Variants in FLNC observed in about 807,000 individuals in gnomAD.
FLNC encodes the protein filamin C, also known as filamin-C.
FLNC carries 91 observed loss-of-function variants against 254.3 expected under a neutral mutation model. The ratio of observed to expected loss-of-function variants is 0.36; its 90% CI spans 0.30 to 0.43. The LOEUF is 0.43. Among genes scored for constraint, FLNC ranks in the 20% least tolerant of loss-of-function variants. The pLI is 1.00. For synonymous variants in FLNC, 1,430 were observed against 1,577.2 expected, an observed-to-expected ratio of 0.91 and a Z score of 2.21; for missense variants, 2,853 against 3,802.6, an observed-to-expected ratio of 0.75 and a Z score of 6.57.
chr7:128,852,501 AGGGG>A, intron 35 of FLNC, 86 bp from the exon 36 acceptor site: 34 of 1,487,210 alleles, frequency 2.3e-5, no homozygotes, highest in Non-Finnish European at 3.1e-5. Flanking sequence ...TGTTGAGTCC[AGGGG>A]GGGCTGCTCA....
intron 1 of FLNC, among the ~76,000 whole-genome samples, chr7:128,832,813 G>T (rs1320339528): frequency 6.6e-6 from 1 of 152,226 alleles, no homozygotes; most frequent in Non-Finnish European, 1.5e-5. Flanking sequence ...CTGGAGGGGA[G>T]GGGACACCGG....
rs1808758860 is a variant in FLNC at position 128,850,439 on chromosome 7, T to C, written c.5354T>C (p.Phe1785Ser). 6.2e-7 allele frequency: 1 copy of C among 1,614,044 alleles called. No homozygotes were observed. The highest frequency in any genetic ancestry group is 8.5e-7 in the Non-Finnish European group (1 of 1,180,032). Residue 1785 changes from phenylalanine to serine, a missense_variant, in exon 32 of 48, where the codon TTC becomes TCC. Transcript: ENST00000325888. ...CCAATGGAGTCCATGCTGAGGCCCTTCAACCTGGTCATCCCCTTCGCGGTG... is the reference window on the plus strand; with the variant it reads ...CCAATGGAGTCCATGCTGAGGCCCTCCAACCTGGTCATCCCCTTCGCGGTG... Reference protein sequence around the residue: ...VEPMESMLRPFNLVIPFAVQK... With the variant: ...VEPMESMLRPSNLVIPFAVQK...
chr7:128,843,206 G>A (rs1338713818), intron 16 of FLNC, 23 bp from the exon 17 acceptor site: 6 of 1,570,622 alleles, frequency 3.8e-6, no homozygotes, highest in Non-Finnish European at 5.2e-6. Flanking sequence ...CGAGAGCCCT[G>A]ACTGAGCCTC....
rs757608760 is a variant in FLNC at position 128,842,711 on chromosome 7, G to A, written c.2389+13G>A. Reference sequence around the variant, plus strand: ...GAGGCGGGGCAAGGTGCGCCCAGCCGGAAGGGGTGGGTCTGGGAGGGGGCG... The same window carrying A: ...GAGGCGGGGCAAGGTGCGCCCAGCCAGAAGGGGTGGGTCTGGGAGGGGGCG... On this transcript the variant is annotated intron_variant, in intron 15 of 47. Coordinates refer to ENST00000325888, the MANE Select transcript of FLNC (RefSeq NM_001458.5). The surrounding 1 kb of genome is among the most constrained non-coding windows in gnomAD (Gnocchi z 5.4). 1.9e-5 allele frequency: 30 copies of A among 1,561,484 alleles called. No individual in the cohort carries two copies. In the East Asian group the frequency reaches 2.1e-4, roughly 11 times the overall value.
chr7:128,843,673 C>T lies in FLNC; in HGVS notation c.2811+96C>T, dbSNP rs571139381. On this transcript the variant is annotated intron_variant, in intron 18 of 47. Coordinates refer to ENST00000325888, the MANE Select transcript of FLNC (RefSeq NM_001458.5). ...CATGGGACCAGTTCTGGATCCTCCA[C>T]GCCTTTCCTGCCTCCTGCCCTCACT... is the stretch of plus-strand genomic sequence containing the variant. The T allele has an allele frequency of 1.3e-4, 196 of 1,517,332 alleles. 1 individual carries two copies. Among genetic ancestry groups the T allele is most frequent in the African/African-American group, 1.2e-3 (90 of 73,100 alleles). 94.0% of individuals were successfully genotyped at this position (1,517,332 alleles called of 1,614,324 possible).
chr7:128,844,099 C>T lies in FLNC; in HGVS notation c.3025C>T (p.Arg1009Trp), dbSNP rs746542712. 13 of 1,613,854 alleles carry T rather than the reference C, an allele frequency of 8.1e-6. No individual in the cohort carries two copies. Among genetic ancestry groups the T allele is most frequent in the East Asian group, 4.5e-5 (2 of 44,892 alleles). Residue 1009 changes from arginine to tryptophan, a missense_variant, in exon 20 of 48, where the codon CGG (arginine) becomes TGG (tryptophan). By Grantham distance (101) the Arg-to-Trp change is moderately radical (BLOSUM62 -3). Around this residue, in one of 10 missense-constraint regions of FLNC, gnomAD observed 1,573 missense variants for 1,883.5 expected, o/e 0.84. Transcript: ENST00000325888. ...LDVRMTSPSR[R>W]PIPCKLEPGG... is the part of the protein sequence containing the mutation. ...TGTGCGGATGACTTCGCCCTCTCGC[C>T]GGCCCATCCCCTGCAAGCTGGAGCC...
At position 128,851,378 on chromosome 7, in the gene FLNC, C is replaced by A. The variant is rs540465449; in HGVS notation, c.5668+18C>A. 2 of 1,614,056 alleles carry A rather than the reference C, an allele frequency of 1.2e-6. No individual in the cohort carries two copies. The highest frequency in any genetic ancestry group is 1.7e-6 in the Non-Finnish European group (2 of 1,180,040). ...TGGAGAAGGTGAGGGAGCTGCAGGT[C>A]GCAGGCTGGGGTGGAGACTCACCAG... On this transcript the variant is annotated intron_variant, in intron 34 of 47. Transcript: ENST00000325888.
Position 128,847,209 on chromosome 7 carries a change from T to C in FLNC, c.4288+304T>C, listed in dbSNP as rs3800584. 0.16 allele frequency among the ~76,000 whole-genome samples: 23,714 copies of C among 152,258 alleles called. 3,646 individuals carry two copies. The highest frequency in any genetic ancestry group is 0.38 in the African/African-American group (15,823 of 41,518). On this transcript the variant is annotated intron_variant, in intron 24 of 47. Coordinates refer to ENST00000325888, the MANE Select transcript of FLNC (RefSeq NM_001458.5). ...TGTGTGTCCAGAAACTCAGACACAGTCCACTCCTCTTGGCGGCTCAGGCCA... is the reference window on the plus strand; with the variant it reads ...TGTGTGTCCAGAAACTCAGACACAGCCCACTCCTCTTGGCGGCTCAGGCCA...
rs570290798 is a variant in FLNC at position 128,844,705 on chromosome 7, C to T, written c.3240C>T (p.Pro1080=). Residue 1080 remains proline (P), a synonymous_variant, in exon 21 of 48, where the codon CCC becomes CCT. Transcript: ENST00000325888. ...TCAAGGGTGGACTGGTAGGCACCCCCGCGCCATTCTCCATCGACACCAAGG... is the reference window on the plus strand; with the variant it reads ...TCAAGGGTGGACTGGTAGGCACCCCTGCGCCATTCTCCATCGACACCAAGG... ...PGLKGGLVGT[P]APFSIDTKGA... is the part of the protein sequence containing the mutation. 3.8e-5 allele frequency: 61 copies of T among 1,613,672 alleles called. No individual in the cohort carries two copies. Among genetic ancestry groups the T allele is most frequent in the South Asian group, 1.2e-4 (11 of 91,074 alleles).
At chr7:128,850,157 G>A in intron 31 of FLNC, 83 bp downstream of exon 31, 1 of 1,259,890 alleles carries the variant, frequency 7.9e-7, no homozygotes, top group South Asian at 1.3e-5. Context: ...AGCCAGGGCG[G>A]GGACATGGTC....
chr7:128,842,239 C>T lies in FLNC; in HGVS notation c.2130C>T (p.Asp710=), dbSNP rs778781499. The T allele has an allele frequency of 7.7e-5, 124 of 1,613,526 alleles. No individual in the cohort carries two copies. Among genetic ancestry groups the T allele is most frequent in the Non-Finnish European group, 9.4e-5 (111 of 1,179,976 alleles). Residue 710 remains aspartate, a synonymous_variant, in exon 14 of 48, where the codon GAC becomes GAT. Coordinates refer to ENST00000325888, the MANE Select transcript of FLNC (RefSeq NM_001458.5). The surrounding 1 kb of genome is among the most constrained non-coding windows in gnomAD (Gnocchi z 5.4). ...TTGGGTGATGCCCACAGGACGCCGA[C>T]GGCTGTCCCATCGACATCAAGGTGA... is the stretch of plus-strand genomic sequence containing the variant. The part of the protein sequence containing the change: ...GDLKLYAQDA[D]GCPIDIKVIP...
At chr7:128,834,521 T>G (rs1038198347) in intron 1 of FLNC, among the ~76,000 whole-genome samples, 1 of 132,052 alleles carries the variant, frequency 7.6e-6, no homozygotes, top group African/African-American at 2.8e-5. Context: ...TAAAGCCCTT[T>G]CTGGCATTCG....
chr7:128,832,481 T>G (rs1807931618), intron 1 of FLNC, among the ~76,000 whole-genome samples: 1 of 152,222 alleles, frequency 6.6e-6, no homozygotes, highest in African/African-American at 2.4e-5. Flanking sequence ...AGCCGGAGGC[T>G]TCGGCAAGAC....
Position 128,858,089 on chromosome 7 carries a change from G to A in FLNC, c.7862G>A (p.Arg2621Gln), listed in dbSNP as rs201636548. 2.4e-4 allele frequency: 388 copies of A among 1,613,226 alleles called. No homozygotes were observed. In the African/African-American group the frequency reaches 4.4e-3, roughly 18 times the overall value. ...VETVTKSSSS[R>Q]GSSYSSIPKF... ...ACTGTGACCAAGTCCTCCTCAAGCC[G>A]GGGCTCCAGCTACAGCTCCATCCCC... The change falls in exon 47 of 48, where the codon CGG (arginine) becomes CAG (glutamine). Residue 2621 changes from arginine (R) to glutamine (Q), a missense_variant. Transcript: ENST00000325888. The surrounding 1 kb of genome is among the most constrained non-coding windows in gnomAD (Gnocchi z 6.7).
At position 128,847,318 on chromosome 7, in the gene FLNC, ATATTG is replaced by A. The variant is rs3839656; in HGVS notation, c.4289-375_4289-371del. Among the ~76,000 whole-genome samples the A allele has an allele frequency of 5.1e-4, 77 of 152,360 alleles. 1 individual carries two copies. In the East Asian group the frequency reaches 0.013, roughly 25 times the overall value. On this transcript the variant is annotated intron_variant, in intron 24 of 47. Coordinates refer to ENST00000325888, the MANE Select transcript of FLNC (RefSeq NM_001458.5). The stretch of plus-strand genomic sequence containing the variant: ...CTGCCCGGGCAGGTCATGTCTTCAA[ATATTG>A]TATGACTTGGGACTGCTGAAATTGG...
intron 1 of FLNC, among the ~76,000 whole-genome samples, chr7:128,833,616 A>AC (rs879276981): frequency 2.3e-4 from 28 of 124,282 alleles, no homozygotes; most frequent in African/African-American, 9.5e-4. Flanking sequence ...CCATATACAC[A>AC]CCGCCCCCCC....
chr7:128,853,567 A>G lies in FLNC; in HGVS notation c.6307A>G (p.Thr2103Ala). The G allele has an allele frequency of 6.2e-7, 1 of 1,614,094 alleles. No individual in the cohort carries two copies. The highest frequency in any genetic ancestry group is 8.5e-7 in the Non-Finnish European group (1 of 1,180,012). ...DGTCKVTYCP[T>A]EPGTYIINIK... ...GACATGCAAAGTCACCTACTGCCCC[A>G]CCGAGCCCGGCACCTACATCATCAA... Residue 2103 changes from threonine to alanine, a missense_variant, in exon 38 of 48, where the codon ACC (threonine) becomes GCC (alanine). Coordinates refer to ENST00000325888, the MANE Select transcript of FLNC (RefSeq NM_001458.5).
intron 20 of FLNC, 126 bp from the exon 21 acceptor site, chr7:128,844,532 G>A: frequency 1.0e-6 from 1 of 1,003,210 alleles, no homozygotes; most frequent in Non-Finnish European, 1.5e-6. Context: ...GTCATCACCT[G>A]GGATTGTTAT....
At chr7:128,838,092 C>T (rs766533990) in intron 6 of FLNC, 28 bp downstream of exon 6, 18 of 1,588,838 alleles carry the variant, frequency 1.1e-5, no homozygotes, top group East Asian at 2.2e-5. Context: ...CCCCTGCCTG[C>T]GCTGCTCTTC....
Sources: allele counts gnomAD v4.1 joint callset (sites outside exome capture counted in the v4.1 genomes callset), GRCh38; gene constraint gnomAD v4.1.1; regional missense constraint gnomAD v4.1.1; non-coding constraint Gnocchi (gnomAD v3.1); transcripts MANE v1.5; gene names NCBI Gene and HGNC (gene_info 2026-07-23, HGNC 2026-07-21).